The following TRIO variants were observed in gnomAD, a reference collection of about 807,000 sequenced individuals.
The protein encoded by TRIO is triple functional domain protein.
In TRIO, 58 loss-of-function variants were observed where a neutral mutation model predicts 351.9. The observed-to-expected ratio is 0.16, with a 90% CI of 0.13 to 0.21. The LOEUF is 0.21. Among genes scored for constraint, TRIO ranks in the 10% least tolerant of loss-of-function variants. The probability of loss-of-function intolerance (pLI) is 1.00; values close to 1 mark genes in which losing one functional copy is unlikely to be tolerated. For missense variants in TRIO, 3,201 were observed against 4,027.8 expected, an observed-to-expected ratio of 0.79 and a Z score of 5.56; for synonymous variants, 1,758 against 1,595.7, an observed-to-expected ratio of 1.10 and a Z score of -2.42.
At chr5:14,464,589 A>G (rs979371713) in intron 36 of TRIO, among the ~76,000 whole-genome samples, 1 of 151,454 alleles carries the variant, frequency 6.6e-6, no homozygotes, top group Non-Finnish European at 1.5e-5. Flanking sequence ...TGTTTTCTTC[A>G]CCCCATATTC....
intron 34 of TRIO, among the ~76,000 whole-genome samples, chr5:14,455,946 C>CT (rs1020953398): frequency 1.3e-5 from 2 of 152,248 alleles, no homozygotes; most frequent in African/African-American, 4.8e-5. Context: ...GAGGCTCAGG[C>CT]TGCGTGGGAG....
chr5:14,419,179 G>C (rs778451270), intron 33 of TRIO, among the ~76,000 whole-genome samples: 1 of 152,106 alleles, frequency 6.6e-6, no homozygotes, highest in African/African-American at 2.4e-5. Context: ...GGCCTGAAGT[G>C]GGGGAGCCTA....
At position 14,461,160 on chromosome 5, in the gene TRIO, G is replaced by A; in HGVS notation, c.5345G>A (p.Arg1782Gln). Residue 1782 changes from arginine to glutamine, a missense_variant, in exon 35 of 57, where the codon CGG (arginine) becomes CAG (glutamine). Physicochemically the swap from Arg to Gln is conservative, Grantham distance 43 (BLOSUM62 1). Around this residue, in one of 19 missense-constraint regions of TRIO, gnomAD observed 193 missense variants for 218.8 expected, o/e 0.88. Coordinates refer to ENST00000344204, the MANE Select transcript of TRIO (RefSeq NM_007118.4). ...TLRKWLTSPV[R>Q]RLSSGKADGH... is the part of the protein sequence containing the mutation. ...CGCAAGTGGCTCACCAGCCCCGTGC[G>A]GCGGCTCAGCAGCGGCAAGGCCGAC... 6.4e-7 allele frequency: 1 copy of A among 1,556,914 alleles called. No homozygotes were observed. Among genetic ancestry groups the A allele is most frequent in the Non-Finnish European group, 8.7e-7 (1 of 1,150,974 alleles).
At chr5:14,462,985 G>A in intron 36 of TRIO, 60 bp downstream of exon 36, 5 of 1,486,160 alleles carry the variant, frequency 3.4e-6, no homozygotes, top group Non-Finnish European at 4.5e-6. Context: ...GGCACGCTCG[G>A]TAGCTGCTTC....
chr5:14,336,550 T>C lies in TRIO; in HGVS notation c.1869T>C (p.Asn623=). The part of the protein sequence containing the change: ...FEEVAQNTYT[N]ADKLLEAAEQ... ...CTCTTGTGCAGAACACATACACCAA[T>C]GCGGATAAATTACTGGAAGCAGCAG... Residue 623 remains asparagine (N), a synonymous_variant, in exon 11 of 57, where the codon AAT becomes AAC. Transcript: ENST00000344204. The C allele has an allele frequency of 6.2e-7, 1 of 1,614,174 alleles. No individual in the cohort carries two copies. Among genetic ancestry groups the C allele is most frequent in the Non-Finnish European group, 8.5e-7 (1 of 1,180,022 alleles).
chr5:14,346,446 G>A lies in TRIO; in HGVS notation c.2046+9719G>A, dbSNP rs998981148. Among the ~76,000 whole-genome samples, 19 of 152,302 alleles carry A rather than the reference G, an allele frequency of 1.2e-4. No homozygotes were observed. The Middle Eastern group carries it at 0.01, about 82-fold the overall frequency. ...AGATCCCTGGGTACCAAAAGAACTT[G>A]ATAATTATATCACCATATTGAGCAT... On this transcript the variant is annotated intron_variant, in intron 11 of 56. Coordinates refer to ENST00000344204, the MANE Select transcript of TRIO (RefSeq NM_007118.4).
chr5:14,413,501 C>T (rs923544205), intron 33 of TRIO, among the ~76,000 whole-genome samples: 2 of 152,230 alleles, frequency 1.3e-5, no homozygotes, highest in African/African-American at 2.4e-5. Flanking sequence ...GCTCCCCTGG[C>T]GAGCTCTGAG....
intron 1 of TRIO, among the ~76,000 whole-genome samples, chr5:14,189,728 C>CT (rs199627264): frequency 0.028 from 3,977 of 143,980 alleles, 46 homozygotes; most frequent in Non-Finnish European, 0.035. Flanking sequence ...TTCGTTTTAA[C>CT]TTTTTTTTTT....
At chr5:14,170,511 T>C (rs968830251) in intron 1 of TRIO, among the ~76,000 whole-genome samples, 15 of 34,714 alleles carry the variant, frequency 4.3e-4, no homozygotes, top group Middle Eastern at 0.012. Context: ...TCTCTCTCTT[T>C]TTTTTTTTTT....
intron 4 of TRIO, 187 bp downstream of exon 4, chr5:14,287,250 T>C (rs972464650): frequency 1.5e-5 from 10 of 648,130 alleles, no homozygotes; most frequent in African/African-American, 1.3e-4. Context: ...TCCGAGTGGA[T>C]TGTTTTACCC....
At chr5:14,405,736 A>C in intron 31 of TRIO, 112 bp from the exon 32 acceptor site, 1 of 1,213,690 alleles carries the variant, frequency 8.2e-7, no homozygotes, top group Non-Finnish European at 1.1e-6. Context: ...TTTTCTGCTA[A>C]AAAGTCATTT....
intron 33 of TRIO, among the ~76,000 whole-genome samples, chr5:14,409,965 T>G (rs1749060017): frequency 6.6e-6 from 1 of 152,122 alleles, no homozygotes; most frequent in Non-Finnish European, 1.5e-5. Context: ...ACACTCACCC[T>G]GGTATTCTCA....
intron 21 of TRIO, among the ~76,000 whole-genome samples, chr5:14,385,207 C>T (rs1267486707): frequency 1.3e-5 from 2 of 152,246 alleles, no homozygotes; most frequent in African/African-American, 2.4e-5. Flanking sequence ...CACTGCACTT[C>T]CTGTCTGCCC....
chr5:14,401,625 G>T (rs1413632690), intron 31 of TRIO, among the ~76,000 whole-genome samples: 12 of 152,166 alleles, frequency 7.9e-5, no homozygotes, highest in Non-Finnish European at 1.6e-4. Flanking sequence ...ATGCTTTAGG[G>T]TATATAGTCT....
intron 11 of TRIO, among the ~76,000 whole-genome samples, chr5:14,355,893 A>T (rs979116070): frequency 5.3e-5 from 8 of 152,232 alleles, no homozygotes; most frequent in African/African-American, 1.9e-4. Flanking sequence ...ATAGTACTTC[A>T]TCACCTGGGG....
intron 54 of TRIO, 45 bp from the exon 55 acceptor site, chr5:14,504,348 G>T: frequency 1.9e-6 from 3 of 1,604,524 alleles, no homozygotes; most frequent in African/African-American, 2.7e-5. Flanking sequence ...CTCGGTGCCA[G>T]ACCTCAGCAG....
At chr5:14,358,390 C>G in intron 12 of TRIO, 43 bp downstream of exon 12, 2 of 1,601,668 alleles carry the variant, frequency 1.2e-6, no homozygotes, top group African/African-American at 1.3e-5. Flanking sequence ...TTCTGAAACC[C>G]TGCCTGTGAC....
Position 14,219,974 on chromosome 5 carries a change from AT to A in TRIO, c.158-50836del, listed in dbSNP as rs34731809. ...ATAACACAAGTGTTCATGTACAGGC[AT>A]TTTTTTTTTTTTTTGCACTTTGTTC... On this transcript the variant is annotated intron_variant, in intron 1 of 56. Coordinates refer to ENST00000344204, the MANE Select transcript of TRIO (RefSeq NM_007118.4). Among the ~76,000 whole-genome samples the A allele has an allele frequency of 4.8e-3, 624 of 129,310 alleles. 5 individuals are homozygous for A. The highest frequency in any genetic ancestry group is 0.013 in the Middle Eastern group (3 of 236). The allele number at this position is 129,310 out of a possible 152,430, so 84.8% of individuals were successfully genotyped here.
Position 14,381,268 on chromosome 5 carries a change from A to G in TRIO, c.3570+16A>G, listed in dbSNP as rs374838994. ...AACTGCAAAGGTGGGTTCAGAGTGT[A>G]CTTTGTATAGTGGCCTCTAAGTCGA... On this transcript the variant is annotated intron_variant, in intron 21 of 56. Transcript: ENST00000344204. 17 of 1,594,116 alleles carry G rather than the reference A, an allele frequency of 1.1e-5. No homozygotes were observed. Among genetic ancestry groups the G allele is most frequent in the African/African-American group, 1.4e-5 (1 of 73,648 alleles).
Sources: allele counts gnomAD v4.1 joint callset (sites outside exome capture counted in the v4.1 genomes callset), GRCh38; gene constraint gnomAD v4.1.1; regional missense constraint gnomAD v4.1.1; transcripts MANE v1.5; gene names NCBI Gene and HGNC (gene_info 2026-07-23, HGNC 2026-07-21).